The following PMM2 variants were observed in gnomAD, a reference collection of about 807,000 sequenced individuals.
The protein encoded by PMM2 is mannose-6-phosphate isomerase.
PMM2 carries 35 observed loss-of-function variants against 33.2 expected under a neutral mutation model. The ratio of observed to expected loss-of-function variants is 1.06; its 90% confidence interval spans 0.81 to 1.40. PMM2 has a LOEUF of 1.40. Ranked by LOEUF, PMM2 falls within the 40% of genes most tolerant of loss-of-function variation. PMM2 has a pLI of 0.00. For synonymous variants in PMM2, 153 were observed against 114.7 expected (o/e 1.33, Z -2.13); for missense variants, 386 against 306.0 (o/e 1.26, Z -1.95).
chr16:8,844,832 C>T (rs191722482), intron 7 of PMM2, among the ~76,000 whole-genome samples: 13 of 152,204 alleles, frequency 8.5e-5, no homozygotes, highest in Admixed American at 8.5e-4. Context: ...AGGAGAAAGA[C>T]GGTGAGGGAT....
chr16:8,834,363 C>T (rs1596501305), intron 7 of PMM2, among the ~76,000 whole-genome samples: 1 of 151,992 alleles, frequency 6.6e-6, no homozygotes, highest in South Asian at 2.1e-4. Flanking sequence ...GGTCCGTTAT[C>T]AGACTGTATA....
chr16:8,832,809 T>A, intron 7 of PMM2: 1 of 985,336 alleles, frequency 1.0e-6, no homozygotes, highest in South Asian at 4.7e-5. Flanking sequence ...CCCCAGCCCC[T>A]GCCCATCCTC....
At chr16:8,819,402 G>A (rs2060724636) in intron 7 of PMM2, among the ~76,000 whole-genome samples, 1 of 152,234 alleles carries the variant, frequency 6.6e-6, no homozygotes. Context: ...CATAAAAGGA[G>A]TCTGAATGGA....
intron 7 of PMM2, among the ~76,000 whole-genome samples, chr16:8,815,575 CAT>C (rs35206189): frequency 0.41 from 61,787 of 151,846 alleles, 12,791 homozygotes; most frequent in Non-Finnish European, 0.46. Context: ...TCAGTAGACA[CAT>C]GAGTTGTTTC....
At chr16:8,802,014 G>A (rs1437455544) in intron 2 of PMM2, 104 bp downstream of exon 2, 6 of 790,094 alleles carry the variant, frequency 7.6e-6, no homozygotes, top group East Asian at 2.8e-5. Context: ...CCCATATGGC[G>A]GGCTTTCTGC....
chr16:8,803,822 T>C (rs1217738789), intron 2 of PMM2, among the ~76,000 whole-genome samples: 1 of 151,668 alleles, frequency 6.6e-6, no homozygotes, highest in African/African-American at 2.4e-5. Flanking sequence ...TAGCTGGGAC[T>C]ACAGGCGCCC....
Position 8,811,635 on chromosome 16 carries a change from CAGAA to C in PMM2, c.451_454del (p.Glu151IlefsTer2), listed in dbSNP as rs1274794195. ...ACAATTGGTATCTTTTTGTTTTTCTCAGAAAGAAAATATAAGACAAAAGTTTGTA... is the reference window on the plus strand; with the variant it reads ...ACAATTGGTATCTTTTTGTTTTTCTCAGAAAATATAAGACAAAAGTTTGTA... On this transcript the variant is annotated splice_acceptor_variant and coding_sequence_variant, in exon 6 of 8. Transcript: ENST00000268261. LOFTEE classifies it high-confidence loss of function. The C allele has an allele frequency of 2.5e-6, 4 of 1,603,966 alleles. No homozygotes were observed. Among genetic ancestry groups the C allele is most frequent in the Non-Finnish European group, 3.4e-6 (4 of 1,170,866 alleles).
At chr16:8,842,621 G>T (rs1332843043) in intron 7 of PMM2, among the ~76,000 whole-genome samples, 1 of 152,180 alleles carries the variant, frequency 6.6e-6, no homozygotes, top group African/African-American at 2.4e-5. Context: ...TATTGAGGAT[G>T]AAAGAGTGTA....
intron 1 of PMM2, among the ~76,000 whole-genome samples, chr16:8,800,411 C>G (rs1243910930): frequency 6.6e-6 from 1 of 150,786 alleles, no homozygotes; most frequent in African/African-American, 2.4e-5. Flanking sequence ...TGAGATTGCT[C>G]AAAGTGCTGA....
intron 2 of PMM2, 165 bp downstream of exon 2, chr16:8,802,075 A>G (rs1048403362): frequency 1.3e-5 from 8 of 615,890 alleles, no homozygotes; most frequent in Non-Finnish European, 2.4e-5. Context: ...TCTGCTTTTA[A>G]TCCAGTACAT....
At chr16:8,819,454 G>A (rs935172905) in intron 7 of PMM2, among the ~76,000 whole-genome samples, 3 of 152,186 alleles carry the variant, frequency 2.0e-5, no homozygotes, top group African/African-American at 7.2e-5. Flanking sequence ...GAGGACAGGA[G>A]AGAGAATTGC....
At chr16:8,844,630 C>G (rs544392426) in intron 7 of PMM2, among the ~76,000 whole-genome samples, 12 of 152,362 alleles carry the variant, frequency 7.9e-5, no homozygotes, top group African/African-American at 2.9e-4. Flanking sequence ...GGTCTGACAC[C>G]TCTGAAACGT....
At chr16:8,814,534 C>G (rs1222412602) in intron 7 of PMM2, among the ~76,000 whole-genome samples, 1 of 152,244 alleles carries the variant, frequency 6.6e-6, no homozygotes, top group African/African-American at 2.4e-5. Flanking sequence ...GTCCCCACGT[C>G]ACAGTCTTCC....
intron 7 of PMM2, among the ~76,000 whole-genome samples, chr16:8,814,751 G>A (rs144115149): frequency 1.0e-3 from 159 of 152,302 alleles, no homozygotes; most frequent in African/African-American, 3.5e-3. Flanking sequence ...CATATTTAAC[G>A]CTCACAGTTT....
At chr16:8,816,795 A>C (rs1277625755) in intron 7 of PMM2, among the ~76,000 whole-genome samples, 1 of 152,238 alleles carries the variant, frequency 6.6e-6, no homozygotes, top group East Asian at 1.9e-4. Flanking sequence ...ACCCTTGTAC[A>C]CTGTTGTGGG....
At chr16:8,815,337 C>T (rs1260398844) in intron 7 of PMM2, among the ~76,000 whole-genome samples, 2 of 151,546 alleles carry the variant, frequency 1.3e-5, no homozygotes, top group Non-Finnish European at 2.9e-5. Context: ...AAGTGATTCT[C>T]GTGCCTCAGC....
intron 4 of PMM2, chr16:8,809,031 C>T (rs2060662825): frequency 6.6e-6 from 1 of 152,244 alleles, no homozygotes; most frequent in African/African-American, 2.4e-5. Context: ...AGTACCTTTA[C>T]ATAACTGGCA....
chr16:8,842,150 G>T (rs2060894896), intron 7 of PMM2: 2 of 151,318 alleles, frequency 1.3e-5, no homozygotes, highest in South Asian at 4.2e-4. Context: ...TTGTTGTTTT[G>T]GAAGGGATTG....
rs1213382634 is a variant in PMM2 at position 8,797,954 on chromosome 16, TGGC to T, written c.66+10_66+12del. 3.1e-6 allele frequency: 5 copies of T among 1,598,546 alleles called. No homozygotes were observed. Among genetic ancestry groups the T allele is most frequent in the Admixed American group, 3.5e-5 (2 of 57,718 alleles). ...CCCTCACCGCCCCGCGGCAGGTAAG[TGGC>T]GGCCGGCGGGCTGCTGGCAGCCGAC... On this transcript the variant is annotated splice_region_variant and intron_variant, in intron 1 of 7. Transcript: ENST00000268261.
Sources: allele counts gnomAD v4.1 joint callset (sites outside exome capture counted in the v4.1 genomes callset), GRCh38; gene constraint gnomAD v4.1.1; transcripts MANE v1.5; gene names NCBI Gene and HGNC (gene_info 2026-07-23, HGNC 2026-07-21).